AP2A1: variants seen among roughly 807,000 people sequenced by gnomAD.
AP2A1 encodes the protein AP-2 complex subunit alpha-1.
In AP2A1, 21 loss-of-function variants were observed where a neutral mutation model predicts 107.3. That is an observed-to-expected ratio of 0.20 (90% CI 0.14 to 0.28). AP2A1 has a LOEUF of 0.28. AP2A1 is among the 10% of genes least tolerant of loss of function. The pLI, the probability that AP2A1 is intolerant of heterozygous loss-of-function variation, is 1.00. For synonymous variants in AP2A1, 602 were observed against 564.8 expected, an observed-to-expected ratio of 1.07 and a Z score of -0.93; for missense variants, 873 against 1,307.7, an observed-to-expected ratio of 0.67 and a Z score of 5.13.
intron 18 of AP2A1, chr19:49,803,805 C>G: frequency 4.4e-6 from 1 of 227,612 alleles, no homozygotes; most frequent in South Asian, 6.0e-5. Context: ...GTATGTAGAC[C>G]CTCCTCTTCC....
intron 5 of AP2A1, among the ~76,000 whole-genome samples, chr19:49,792,293 C>T (rs1317629985): frequency 1.4e-5 from 2 of 143,726 alleles, no homozygotes; most frequent in Non-Finnish European, 3.1e-5. Context: ...CCAGGGCTCC[C>T]ACCTCAGCCC....
intron 1 of AP2A1, among the ~76,000 whole-genome samples, chr19:49,780,358 C>T (rs1293692155): frequency 6.6e-6 from 1 of 152,152 alleles, no homozygotes; most frequent in South Asian, 2.1e-4. Flanking sequence ...GGAGCCGAGA[C>T]CCAAATGATG....
Position 49,803,199 on chromosome 19 carries a change from G to A in AP2A1, c.2254+10G>A, listed in dbSNP as rs1568588908. The A allele has an allele frequency of 6.2e-7, 1 of 1,613,740 alleles. No homozygotes were observed. The highest frequency in any genetic ancestry group is 1.3e-5 in the African/African-American group (1 of 74,878). On this transcript the variant is annotated intron_variant, in intron 17 of 22. Coordinates refer to ENST00000354293, the MANE Select transcript of AP2A1 (RefSeq NM_130787.3). ...TTCCGACAGAACCTGGGTGTGTCCC[G>A]GGGGACTGTGGGAATGGGTCGGAGG... is the stretch of plus-strand genomic sequence containing the variant.
chr19:49,795,573 G>A (rs1600235095), intron 6 of AP2A1, 57 bp from the exon 7 acceptor site: 1 of 1,078,522 alleles, frequency 9.3e-7, no homozygotes, highest in South Asian at 1.4e-5. Flanking sequence ...CTGGCATGTG[G>A]ACCCACGTGC....
At chr19:49,804,876 C>T (rs750534777) in intron 18 of AP2A1, 1 of 152,254 alleles carries the variant, frequency 6.6e-6, no homozygotes, top group African/African-American at 2.4e-5. Flanking sequence ...CCGCCACACC[C>T]GGCTGGATTA....
At chr19:49,792,344 C>T (rs550362429) in intron 5 of AP2A1, among the ~76,000 whole-genome samples, 34 of 149,136 alleles carry the variant, frequency 2.3e-4, no homozygotes, top group Non-Finnish European at 4.5e-4. Context: ...TCAGCCCTCA[C>T]GCCCCCGGAT....
At chr19:49,802,706 C>A in intron 15 of AP2A1, 1 of 1,194,198 alleles carries the variant, frequency 8.4e-7, no homozygotes, top group Non-Finnish European at 1.1e-6. Context: ...TGATGAGCAG[C>A]AGAGGCAGGG....
chr19:49,790,290 C>A (rs184042342), intron 4 of AP2A1, among the ~76,000 whole-genome samples: 1 of 152,306 alleles, frequency 6.6e-6, no homozygotes, highest in Admixed American at 6.5e-5. Flanking sequence ...ACCTCTGTTC[C>A]ATCCTCACAT....
chr19:49,800,847 C>A, intron 11 of AP2A1, 114 bp from the exon 12 acceptor site: 1 of 833,272 alleles, frequency 1.2e-6, no homozygotes, highest in Non-Finnish European at 1.9e-6. Context: ...CCACCTATAA[C>A]CCCACCTGCA....
At chr19:49,786,719 A>G (rs1348721911) in intron 4 of AP2A1, among the ~76,000 whole-genome samples, 1 of 152,228 alleles carries the variant, frequency 6.6e-6, no homozygotes, top group Non-Finnish European at 1.5e-5. Flanking sequence ...CAGTTTCTTT[A>G]GGACAAGGAC....
intron 1 of AP2A1, among the ~76,000 whole-genome samples, chr19:49,767,786 T>C (rs2084518346): frequency 2.0e-5 from 3 of 151,374 alleles, no homozygotes; most frequent in Non-Finnish European, 4.4e-5. Flanking sequence ...GGCAGGGAGA[T>C]GATGGGACGG....
At position 49,803,382 on chromosome 19, in the gene AP2A1, C is replaced by G. The variant is rs752274426; in HGVS notation, c.2344+6C>G. The G allele has an allele frequency of 6.2e-7, 1 of 1,612,514 alleles. No individual in the cohort carries two copies. The highest frequency in any genetic ancestry group is 1.7e-5 in the Admixed American group (1 of 60,002). ...CCCGGGAGACCTCCAGACTCATATC[C>G]TCTCAGGCCCGGCCCAGCCTCCTGC... On this transcript the variant is annotated splice_donor_region_variant and intron_variant, in intron 18 of 22. Transcript: ENST00000354293.
At chr19:49,795,350 T>C (rs1217101169) in intron 6 of AP2A1, among the ~76,000 whole-genome samples, 1 of 152,150 alleles carries the variant, frequency 6.6e-6, no homozygotes, top group East Asian at 1.9e-4. Context: ...AGCCTCAGAT[T>C]CCTGCTTCAT....
At chr19:49,804,680 ATTGCTACCATCT>A (rs1260178750) in intron 18 of AP2A1, 1 of 152,218 alleles carries the variant, frequency 6.6e-6, no homozygotes, top group Non-Finnish European at 1.5e-5. Flanking sequence ...GATAACACTA[ATTGCTACCATCT>A]TTGTGTACTT....
intron 7 of AP2A1, chr19:49,796,055 G>A (rs1044515882): frequency 9.5e-6 from 3 of 315,892 alleles, no homozygotes; most frequent in Non-Finnish European, 1.8e-5. Flanking sequence ...GGCTTGGAGA[G>A]GGAGCTCCTG....
intron 6 of AP2A1, among the ~76,000 whole-genome samples, chr19:49,793,908 T>TC (rs1451558067): frequency 7.3e-6 from 1 of 136,500 alleles, no homozygotes; most frequent in Non-Finnish European, 1.6e-5. Context: ...CTTTTTTTTT[T>TC]TTTTTTTTTT....
At position 49,781,767 on chromosome 19, in the gene AP2A1, A is replaced by G; in HGVS notation, c.78A>G (p.Lys26=). ...FISDIRNCKS[K]EAEIKRINKE... ...CTCCTCCTCTCCCAGGTAAGAGCAA[A>G]GAGGCGGAAATTAAGAGAATCAACA... Residue 26 remains lysine, a synonymous_variant, in exon 2 of 23, where the codon AAA becomes AAG. Transcript: ENST00000354293. The G allele has an allele frequency of 2.5e-6, 4 of 1,597,454 alleles. No individual in the cohort carries two copies. Among genetic ancestry groups the G allele is most frequent in the Non-Finnish European group, 3.4e-6 (4 of 1,172,038 alleles).
intron 4 of AP2A1, among the ~76,000 whole-genome samples, chr19:49,783,401 G>A (rs1269289387): frequency 3.3e-5 from 5 of 152,108 alleles, no homozygotes; most frequent in Non-Finnish European, 7.4e-5. Context: ...TGAGGTGGGA[G>A]GATCTCCTGA....
chr19:49,805,291 T>C, intron 18 of AP2A1, 162 bp from the exon 19 acceptor site: 3 of 845,984 alleles, frequency 3.5e-6, no homozygotes, highest in Non-Finnish European at 5.2e-6. Flanking sequence ...GTTTCCATAG[T>C]ATGAACTTTG....
Sources: allele counts gnomAD v4.1 joint callset (sites outside exome capture counted in the v4.1 genomes callset), GRCh38; gene constraint gnomAD v4.1.1; transcripts MANE v1.5; gene names NCBI Gene and HGNC (gene_info 2026-07-23, HGNC 2026-07-21).